ZCCHC17: variants seen among roughly 807,000 people sequenced by gnomAD.
The protein encoded by ZCCHC17 is zinc finger CCHC domain-containing protein 17.
A neutral mutation model predicts 30.6 loss-of-function variants in ZCCHC17; 18 were observed. That is an observed-to-expected ratio of 0.59 (90% confidence interval 0.41 to 0.87). ZCCHC17 has a LOEUF of 0.87. ZCCHC17 is among the 40% of genes least tolerant of loss of function. ZCCHC17 has a pLI of 0.00. For missense variants in ZCCHC17, 263 were observed against 284.2 expected (o/e 0.93, Z 0.54); for synonymous variants, 88 against 92.4 (o/e 0.95, Z 0.27).
chr1:31,326,790 G>A, intron 3 of ZCCHC17, among the ~76,000 whole-genome samples: 1 of 152,182 alleles, frequency 6.6e-6, no homozygotes, highest in Non-Finnish European at 1.5e-5. Context: ...AACTCTGTGA[G>A]TTTTAATCCT....
At chr1:31,315,875 A>G (rs1455876018) in intron 2 of ZCCHC17, among the ~76,000 whole-genome samples, 5 of 152,188 alleles carry the variant, frequency 3.3e-5, no homozygotes, top group Non-Finnish European at 7.4e-5. Flanking sequence ...CACAGTGATG[A>G]AAACACCTGG....
At chr1:31,329,996 T>G (rs1365821398) in intron 3 of ZCCHC17, among the ~76,000 whole-genome samples, 3 of 152,224 alleles carry the variant, frequency 2.0e-5, no homozygotes, top group African/African-American at 7.2e-5. Flanking sequence ...TAAAACACTT[T>G]CACGAATGTG....
intron 6 of ZCCHC17, among the ~76,000 whole-genome samples, chr1:31,348,590 G>A (rs977087940): frequency 6.6e-6 from 1 of 152,162 alleles, no homozygotes; most frequent in Non-Finnish European, 1.5e-5. Context: ...TTGCCATTTC[G>A]AGAACAGTAC....
Position 31,348,966 on chromosome 1 carries a change from A to G in ZCCHC17, c.556A>G (p.Arg186Gly). The change falls in exon 7 of 8, where the codon AGA (arginine) becomes GGA (glycine). Residue 186 changes from arginine to glycine, a missense_variant. Arg to Gly is a moderately radical substitution (Grantham distance 125). Coordinates refer to ENST00000344147, the MANE Select transcript of ZCCHC17 (RefSeq NM_016505.4). Reference sequence around the variant, plus strand: ...CCCTACAAGGAATCCTTCTAGAAAAAGAAAGAAGGTGAATGCTACTTTGCT... The same window carrying G: ...CCCTACAAGGAATCCTTCTAGAAAAGGAAAGAAGGTGAATGCTACTTTGCT... ...PDPTRNPSRKRKKEKKKKKHR... is the reference protein window; with the variant it reads ...PDPTRNPSRKGKKEKKKKKHR... 1 of 1,573,704 alleles carries G rather than the reference A, an allele frequency of 6.4e-7. No homozygotes were observed.
At chr1:31,363,698 C>CTG (rs1468333687) in intron 7 of ZCCHC17, among the ~76,000 whole-genome samples, 4 of 152,146 alleles carry the variant, frequency 2.6e-5, no homozygotes, top group Non-Finnish European at 4.4e-5. Context: ...GGGAGGATTG[C>CTG]TTGAGCCCAA....
At chr1:31,317,265 T>C (rs1646758972) in intron 2 of ZCCHC17, among the ~76,000 whole-genome samples, 1 of 152,148 alleles carries the variant, frequency 6.6e-6, no homozygotes, top group South Asian at 2.1e-4. Flanking sequence ...CCTCAGGTGA[T>C]CCACCTGCCT....
intron 5 of ZCCHC17, among the ~76,000 whole-genome samples, chr1:31,339,960 CTTTTTTT>C (rs36008834): frequency 6.4e-4 from 58 of 90,420 alleles, no homozygotes; most frequent in Admixed American, 5.9e-3. Context: ...TCTTGGATTT[CTTTTTTT>C]TTTTTTTTTT....
intron 2 of ZCCHC17, among the ~76,000 whole-genome samples, chr1:31,315,697 A>G (rs1200307539): frequency 2.0e-5 from 3 of 152,210 alleles, no homozygotes; most frequent in African/African-American, 7.2e-5. Flanking sequence ...TTTCAAGGCC[A>G]TTTGCCACCT....
chr1:31,353,454 T>C (rs1411167979), intron 7 of ZCCHC17, among the ~76,000 whole-genome samples: 1 of 152,218 alleles, frequency 6.6e-6, no homozygotes, highest in Non-Finnish European at 1.5e-5. Context: ...GTTGAGTATG[T>C]TCATGATAGT....
At chr1:31,339,752 T>C (rs1638962844) in intron 5 of ZCCHC17, among the ~76,000 whole-genome samples, 1 of 152,112 alleles carries the variant, frequency 6.6e-6, no homozygotes, top group Admixed American at 6.5e-5. Flanking sequence ...CTCTTCCACA[T>C]AGAGACCACG....
chr1:31,359,610 ATT>A (rs1639788095), intron 7 of ZCCHC17, among the ~76,000 whole-genome samples: 1 of 152,070 alleles, frequency 6.6e-6, no homozygotes, highest in Non-Finnish European at 1.5e-5. Flanking sequence ...TTTTGCTTTT[ATT>A]TTTGTTTTTC....
chr1:31,323,009 C>A (rs1464401543), intron 3 of ZCCHC17, among the ~76,000 whole-genome samples: 1 of 152,148 alleles, frequency 6.6e-6, no homozygotes. Flanking sequence ...TGTGAGCCAC[C>A]ATGCCCAGCC....
chr1:31,358,911 T>C (rs542323359), intron 7 of ZCCHC17, among the ~76,000 whole-genome samples: 1 of 152,110 alleles, frequency 6.6e-6, no homozygotes, highest in East Asian at 1.9e-4. Context: ...AGCCCCAGAG[T>C]GCTCAACACT....
intron 7 of ZCCHC17, among the ~76,000 whole-genome samples, chr1:31,353,063 C>T (rs1639524260): frequency 6.6e-6 from 1 of 152,134 alleles, no homozygotes; most frequent in Non-Finnish European, 1.5e-5. Context: ...GAGTAGCCAT[C>T]CTAATGCGTG....
At chr1:31,364,002 C>T in intron 7 of ZCCHC17, 30 bp from the exon 8 acceptor site, 1 of 1,607,178 alleles carries the variant, frequency 6.2e-7, no homozygotes, top group Non-Finnish European at 8.5e-7. Flanking sequence ...TATACACATA[C>T]AGTGTTGATT....
chr1:31,321,155 TCCCC>T, intron 3 of ZCCHC17, among the ~76,000 whole-genome samples: 1 of 152,298 alleles, frequency 6.6e-6, no homozygotes, highest in East Asian at 1.9e-4. Flanking sequence ...GTTCTCGTAA[TCCCC>T]ATGTGCTGTG....
intron 3 of ZCCHC17, among the ~76,000 whole-genome samples, chr1:31,334,288 C>T (rs938659553): frequency 2.1e-5 from 3 of 141,136 alleles, no homozygotes; most frequent in African/African-American, 7.7e-5. Context: ...CAGGCATCTG[C>T]AGGCATCCAT....
At chr1:31,330,506 G>GTTTT (rs1446107298) in intron 3 of ZCCHC17, among the ~76,000 whole-genome samples, 3 of 152,114 alleles carry the variant, frequency 2.0e-5, no homozygotes, top group African/African-American at 7.2e-5. Flanking sequence ...TTGTTTGTTT[G>GTTTT]TTTCTGTTTG....
chr1:31,361,958 C>G (rs959626490), intron 7 of ZCCHC17, among the ~76,000 whole-genome samples: 3 of 152,006 alleles, frequency 2.0e-5, no homozygotes, highest in Non-Finnish European at 4.4e-5. Flanking sequence ...ACTACAGGCC[C>G]GCGTAACCAC....
Sources: gnomAD v4.1 joint callset for allele counts (sites outside exome capture counted in the v4.1 genomes callset) on GRCh38, gnomAD v4.1.1 for gene constraint, MANE v1.5 for transcripts, NCBI Gene and HGNC (gene_info 2026-07-23, HGNC 2026-07-21) for gene names.